Variants in PCDH11Y observed in about 807,000 individuals in gnomAD.
PCDH11Y encodes the protein protocadherin 11 Y-linked.
For synonymous variants in PCDH11Y, 9 were observed against 83.6 expected (o/e 0.11, Z 4.87); for missense variants, 12 against 224.8 (o/e 0.05, Z 6.05).
intron 4 of PCDH11Y, among the ~76,000 whole-genome samples, chrY:5,731,019 T>A (rs2053604008): frequency 3.4e-5 from 1 of 29,648 alleles, no homozygotes; most frequent in Non-Finnish European, 8.2e-5. Context: ...CCTAGTATAT[T>A]TTTTTTGACA....
At chrY:5,123,743 T>G (rs2052821832) in intron 2 of PCDH11Y, among the ~76,000 whole-genome samples, 1 of 33,095 alleles carries the variant, frequency 3.0e-5, no homozygotes, top group Non-Finnish European at 7.5e-5. Context: ...GACATTTTAC[T>G]CTATTATCAC....
At chrY:5,541,732 TTTCTTTCTTTC>T (rs2053407107) in intron 3 of PCDH11Y, among the ~76,000 whole-genome samples, 28 of 25,081 alleles carry the variant, frequency 1.1e-3, no homozygotes, top group African/African-American at 4.0e-3. Flanking sequence ...TCTTTCTTTC[TTTCTTTCTTTC>T]TTTCTTTCTT....
At chrY:5,562,884 A>G in intron 3 of PCDH11Y, among the ~76,000 whole-genome samples, 5 of 32,894 alleles carry the variant, frequency 1.5e-4, no homozygotes, top group Admixed American at 1.4e-3. Context: ...GTGGAAGACC[A>G]AGAAACATCA....
downstream of PCDH11Y, among the ~76,000 whole-genome samples, chrY:5,110,398 C>T (rs2124638779): frequency 6.2e-5 from 2 of 32,055 alleles, no homozygotes; most frequent in African/African-American, 2.4e-4. Context: ...GCCTAGATCA[C>T]GCCACTGCAC....
At chrY:5,500,754 G>A in intron 2 of PCDH11Y, among the ~76,000 whole-genome samples, 1 of 33,665 alleles carries the variant, frequency 3.0e-5, no homozygotes. Flanking sequence ...AATTATGGTT[G>A]GAATTTCCAG....
At chrY:5,335,261 G>A in intron 2 of PCDH11Y, among the ~76,000 whole-genome samples, 5 of 32,871 alleles carry the variant, frequency 1.5e-4, no homozygotes, top group Non-Finnish European at 3.7e-4. Flanking sequence ...TGGGGGAGGC[G>A]TGTAGCCTTT....
At chrY:5,495,916 A>T in intron 2 of PCDH11Y, among the ~76,000 whole-genome samples, 5 of 33,480 alleles carry the variant, frequency 1.5e-4, no homozygotes, top group African/African-American at 2.3e-4. Context: ...TAAATGATTT[A>T]TGTGAATGAC....
At chrY:5,513,297 T>A in intron 3 of PCDH11Y, among the ~76,000 whole-genome samples, 2 of 33,411 alleles carry the variant, frequency 6.0e-5, no homozygotes, top group Non-Finnish European at 1.5e-4. Context: ...CCTCCCAAAG[T>A]GCTGGGATTA....
chrY:5,046,975 G>A (rs2052643622), intron 3 of PCDH11Y, among the ~76,000 whole-genome samples: 2 of 33,804 alleles, frequency 5.9e-5, no homozygotes, highest in Admixed American at 2.6e-4. Context: ...TTCGCCTCGC[G>A]CACGGTGCGC....
intron 2 of PCDH11Y, among the ~76,000 whole-genome samples, chrY:5,132,007 C>T (rs2052834643): frequency 3.0e-5 from 1 of 32,852 alleles, no homozygotes; most frequent in Admixed American, 2.8e-4. Context: ...AGATTGAGAT[C>T]GACTATCTTA....
At chrY:5,550,151 G>A (rs2053417364) in intron 3 of PCDH11Y, among the ~76,000 whole-genome samples, 2 of 31,115 alleles carry the variant, frequency 6.4e-5, no homozygotes, top group Admixed American at 5.9e-4. Flanking sequence ...GTAACACAAA[G>A]GATAGATAAA....
intron 2 of PCDH11Y, among the ~76,000 whole-genome samples, chrY:5,176,378 A>C: frequency 3.9e-5 from 1 of 25,517 alleles, no homozygotes; most frequent in African/African-American, 1.7e-4. Context: ...TCTTTAGTTT[A>C]ATTAGATCCC....
chrY:5,402,560 C>T (rs2053234533), intron 2 of PCDH11Y, among the ~76,000 whole-genome samples: 1 of 31,570 alleles, frequency 3.2e-5, no homozygotes, highest in Non-Finnish European at 7.6e-5. Flanking sequence ...GGTTCTTATA[C>T]TACCTTTTAG....
chrY:5,527,849 TAAGACATCACAGACTGTTTCATAG>T (rs2053389252), intron 3 of PCDH11Y, among the ~76,000 whole-genome samples: 3 of 33,157 alleles, frequency 9.0e-5, no homozygotes, highest in Non-Finnish European at 2.2e-4. Flanking sequence ...GAAATAGAAT[TAAGACATCACAGACTGTTTCATAG>T]AATCACTATT....
chrY:5,261,964 T>C, intron 2 of PCDH11Y, among the ~76,000 whole-genome samples: 1 of 33,575 alleles, frequency 3.0e-5, no homozygotes, highest in South Asian at 6.6e-4. Context: ...TACGGCTGCA[T>C]AGTATTCCAT....
chrY:5,379,393 A>T, intron 2 of PCDH11Y, among the ~76,000 whole-genome samples: 2 of 31,120 alleles, frequency 6.4e-5, no homozygotes, highest in South Asian at 1.5e-3. Context: ...ATTATTATTG[A>T]TACGGAAGTG....
chrY:5,308,728 G>A (rs370804313), intron 2 of PCDH11Y, among the ~76,000 whole-genome samples: 1 of 33,461 alleles, frequency 3.0e-5, no homozygotes, highest in Admixed American at 2.7e-4. Flanking sequence ...ATTTATGCAC[G>A]TTACTAGACC....
At chrY:5,448,005 T>C in intron 2 of PCDH11Y, among the ~76,000 whole-genome samples, 1 of 30,672 alleles carries the variant, frequency 3.3e-5, no homozygotes, top group Non-Finnish European at 7.9e-5. Context: ...ATTATCAGTG[T>C]TGAAAGTTTG....
intron 1 of PCDH11Y, among the ~76,000 whole-genome samples, chrY:5,077,231 T>C (rs2052711046): frequency 1.5e-3 from 49 of 33,455 alleles, no homozygotes; most frequent in African/African-American, 5.3e-3. Context: ...ACTGTTGGCA[T>C]ATAGAAATGG....
Sources: allele counts gnomAD v4.1 joint callset (sites outside exome capture counted in the v4.1 genomes callset), GRCh38; gene constraint gnomAD v4.1.1; transcripts MANE v1.5; gene names NCBI Gene and HGNC (gene_info 2026-07-23, HGNC 2026-07-21).